LRRC8D: variants seen among roughly 807,000 people sequenced by gnomAD.
The protein encoded by LRRC8D is leucine rich repeat containing 8 VRAC subunit D.
Under a neutral mutation model 55.8 loss-of-function variants are expected in LRRC8D, and 20 were observed. The observed-to-expected ratio is 0.36, with a 90% CI of 0.25 to 0.52. LRRC8D has a LOEUF of 0.52. Ranked by LOEUF, LRRC8D falls within the 20% of genes least tolerant of loss-of-function variation. The probability of loss-of-function intolerance (pLI) is 0.93; values close to 1 mark genes in which losing one functional copy is unlikely to be tolerated. For synonymous variants in LRRC8D, 352 were observed against 377.0 expected (o/e 0.93, Z 0.77); for missense variants, 651 against 1,030.8 (o/e 0.63, Z 5.05).
intron 1 of LRRC8D, among the ~76,000 whole-genome samples, chr1:89,828,095 G>A (rs1026561488): frequency 2.6e-5 from 4 of 152,188 alleles, no homozygotes; most frequent in African/African-American, 7.2e-5. Flanking sequence ...AGTTGTGCAC[G>A]AAGGCTGGGT....
intron 2 of LRRC8D, among the ~76,000 whole-genome samples, chr1:89,877,089 C>A (rs1662166773): frequency 6.6e-6 from 1 of 152,212 alleles, no homozygotes; most frequent in African/African-American, 2.4e-5. Flanking sequence ...TAAAGTGAAG[C>A]TTTCAGATTG....
At chr1:89,858,106 G>A (rs891213562) in intron 2 of LRRC8D, among the ~76,000 whole-genome samples, 3 of 152,152 alleles carry the variant, frequency 2.0e-5, no homozygotes, top group Non-Finnish European at 4.4e-5. Context: ...GCAAGCACCT[G>A]TAGTCCCAGC....
chr1:89,826,685 G>A (rs1369303283), intron 1 of LRRC8D, among the ~76,000 whole-genome samples: 1 of 152,184 alleles, frequency 6.6e-6, no homozygotes, highest in Non-Finnish European at 1.5e-5. Context: ...TAAGGATCAG[G>A]ATTTCTTCTC....
At chr1:89,890,819 A>G (rs1440194095) in intron 2 of LRRC8D, among the ~76,000 whole-genome samples, 4 of 152,282 alleles carry the variant, frequency 2.6e-5, no homozygotes, top group Middle Eastern at 3.4e-3. Flanking sequence ...CCAGGATCCA[A>G]TTCAGAATCC....
chr1:89,863,996 A>G (rs182027609), intron 2 of LRRC8D, among the ~76,000 whole-genome samples: 2 of 152,294 alleles, frequency 1.3e-5, no homozygotes, highest in African/African-American at 2.4e-5. Flanking sequence ...CCGTGTTGTT[A>G]TGGCATAAAG....
intron 2 of LRRC8D, among the ~76,000 whole-genome samples, chr1:89,894,318 A>G (rs1662653131): frequency 6.6e-6 from 1 of 152,232 alleles, no homozygotes; most frequent in South Asian, 2.1e-4. Flanking sequence ...GTTCAGACTA[A>G]GACAGCCCCA....
intron 2 of LRRC8D, among the ~76,000 whole-genome samples, chr1:89,861,635 T>G (rs1340979749): frequency 6.6e-6 from 1 of 152,222 alleles, no homozygotes; most frequent in Non-Finnish European, 1.5e-5. Context: ...CCTTTGGACT[T>G]GGCATATGGG....
chr1:89,881,238 G>A (rs1020653187), intron 2 of LRRC8D, among the ~76,000 whole-genome samples: 3 of 152,192 alleles, frequency 2.0e-5, no homozygotes, highest in Admixed American at 2.0e-4. Context: ...CCAACAGGAA[G>A]GCTGGTAAAA....
chr1:89,851,177 C>T (rs1374720496), intron 2 of LRRC8D, among the ~76,000 whole-genome samples: 1 of 151,822 alleles, frequency 6.6e-6, no homozygotes, highest in Non-Finnish European at 1.5e-5. Context: ...GGCTTGTCCT[C>T]CTCTGTTGCT....
At chr1:89,848,825 G>C (rs574216635) in intron 2 of LRRC8D, among the ~76,000 whole-genome samples, 2 of 151,836 alleles carry the variant, frequency 1.3e-5, no homozygotes, top group African/African-American at 2.4e-5. Flanking sequence ...TCAGCCTCCC[G>C]AGTAGCTGGG....
chr1:89,897,158 T>C (rs1166044871), intron 2 of LRRC8D, among the ~76,000 whole-genome samples: 2 of 152,246 alleles, frequency 1.3e-5, no homozygotes, highest in Admixed American at 6.5e-5. Context: ...TTGATGTATG[T>C]ACATCTCTCT....
chr1:89,827,626 A>G (rs1036733199), intron 1 of LRRC8D, among the ~76,000 whole-genome samples: 1 of 152,218 alleles, frequency 6.6e-6, no homozygotes, highest in Non-Finnish European at 1.5e-5. Context: ...ATGGAGGCCT[A>G]TGAAACCACA....
chr1:89,935,497 T>G lies in LRRC8D; in HGVS notation c.2429T>G (p.Leu810Trp). The G allele has an allele frequency of 6.2e-7, 1 of 1,614,232 alleles. No homozygotes were observed. Among genetic ancestry groups the G allele is most frequent in the Non-Finnish European group, 8.5e-7 (1 of 1,180,036 alleles). Residue 810 changes from leucine (L) to tryptophan (W), a missense_variant, in exon 3 of 3, where the codon TTG (leucine) becomes TGG (tryptophan). Coordinates refer to ENST00000337338, the MANE Select transcript of LRRC8D (RefSeq NM_001134479.2). Reference sequence around the variant, plus strand: ...CAGCTGGAGCTGAAGGGGAACTGCTTGGACCGCCTGCCAGCCCAGCTGGGC... The same window carrying G: ...CAGCTGGAGCTGAAGGGGAACTGCTGGGACCGCCTGCCAGCCCAGCTGGGC... ...LTQLELKGNC[L>W]DRLPAQLGQC... is the part of the protein sequence containing the mutation.
At chr1:89,855,212 C>T (rs987697869) in intron 2 of LRRC8D, among the ~76,000 whole-genome samples, 5 of 152,204 alleles carry the variant, frequency 3.3e-5, no homozygotes, top group African/African-American at 1.2e-4. Context: ...CCGTTTCCAT[C>T]ACTGCACCTT....
At chr1:89,881,521 G>GTACA (rs1662283360) in intron 2 of LRRC8D, among the ~76,000 whole-genome samples, 1 of 152,148 alleles carries the variant, frequency 6.6e-6, no homozygotes, top group African/African-American at 2.4e-5. Flanking sequence ...AGCAGCCCAG[G>GTACA]TACAGTTGCA....
rs113722274 is a variant in LRRC8D, at chr1:89,928,144, A to G, written c.-2-4923A>G. On this transcript the variant is annotated intron_variant, in intron 2 of 2. Transcript: ENST00000337338. ...GAGTGCCATGGCATGATCTCGCCGC[A>G]CTGCAACCTCCGCCACCCGGTTTCG... is the stretch of plus-strand genomic sequence containing the variant. Among the ~76,000 whole-genome samples, 445 of 152,258 alleles carry G rather than the reference A, an allele frequency of 2.9e-3. 4 individuals carry two copies. Among genetic ancestry groups the G allele is most frequent in the African/African-American group, 9.6e-3 (398 of 41,550 alleles).
At chr1:89,856,264 A>G (rs1661549602) in intron 2 of LRRC8D, among the ~76,000 whole-genome samples, 1 of 152,184 alleles carries the variant, frequency 6.6e-6, no homozygotes, top group Non-Finnish European at 1.5e-5. Flanking sequence ...GCTAGTAGCA[A>G]AAGTTTAGCA....
intron 2 of LRRC8D, among the ~76,000 whole-genome samples, chr1:89,910,428 T>C (rs1047013454): frequency 6.6e-6 from 1 of 152,246 alleles, no homozygotes; most frequent in Admixed American, 6.5e-5. Flanking sequence ...AATATTGTTA[T>C]TAAATGACAG....
chr1:89,854,883 G>C (rs539493722), intron 2 of LRRC8D, among the ~76,000 whole-genome samples: 2 of 152,296 alleles, frequency 1.3e-5, no homozygotes, highest in African/African-American at 4.8e-5. Flanking sequence ...TCAGAAAAGG[G>C]GAAGGACAGG....
Sources: gnomAD v4.1 joint callset for allele counts (sites outside exome capture counted in the v4.1 genomes callset) on GRCh38, gnomAD v4.1.1 for gene constraint, MANE v1.5 for transcripts, NCBI Gene and HGNC (gene_info 2026-07-23, HGNC 2026-07-21) for gene names.